The following ADGRB3 variants were observed in gnomAD, a reference collection of about 807,000 sequenced individuals.
ADGRB3 encodes the protein adhesion G protein-coupled receptor B3, also known as brain-specific angiogenesis inhibitor 3.
A neutral mutation model predicts 193.4 loss-of-function variants in ADGRB3; 37 were observed. That is an observed-to-expected ratio of 0.19 (90% CI 0.15 to 0.25). The LOEUF is 0.25. Among genes scored for constraint, ADGRB3 ranks in the 10% least tolerant of loss-of-function variants. The probability of loss-of-function intolerance (pLI) is 1.00; values close to 1 mark genes in which losing one functional copy is unlikely to be tolerated. For synonymous variants in ADGRB3, 690 were observed against 644.2 expected (o/e 1.07, Z -1.08); for missense variants, 1,637 against 1,852.9 (o/e 0.88, Z 2.14).
rs867755416 is a variant in ADGRB3, at chr6:69,080,587, G to A, written c.2480+4549G>A. Among the ~76,000 whole-genome samples the A allele has an allele frequency of 3.3e-5, 5 of 151,834 alleles. No homozygotes were observed. The South Asian group carries it at 6.2e-4, about 19-fold the overall frequency. On this transcript the variant is annotated intron_variant, in intron 17 of 31. Coordinates refer to ENST00000370598, the MANE Select transcript of ADGRB3 (RefSeq NM_001704.3). ...CAGCAATATCATGGTCTCATTGTTT[G>A]GAGAGAAATGTGGAAACATCTTCTA...
In ADGRB3 at chr6:69,255,468, G is replaced by A. The variant is rs188848706; in HGVS notation, c.2814+16242G>A. On this transcript the variant is annotated intron_variant, in intron 20 of 31. Coordinates refer to ENST00000370598, the MANE Select transcript of ADGRB3 (RefSeq NM_001704.3). ...TTTCTCTGATGTCCAGTGATGGTGA[G>A]CATTTTTTCATGTGTTTTTTGGCTG... Among the ~76,000 whole-genome samples the A allele has an allele frequency of 4.1e-3, 629 of 152,266 alleles. 1 individual carries two copies. The highest frequency in any genetic ancestry group is 6.9e-3 in the Non-Finnish European group (472 of 68,016).
At chr6:68,941,328 G>T (rs566844452) in intron 5 of ADGRB3, among the ~76,000 whole-genome samples, 1 of 152,126 alleles carries the variant, frequency 6.6e-6, no homozygotes, top group East Asian at 1.9e-4. Context: ...TTAGTGATTT[G>T]TATCCTTGTC....
intron 3 of ADGRB3, among the ~76,000 whole-genome samples, chr6:68,684,096 C>T (rs555315594): frequency 2.0e-5 from 3 of 152,248 alleles, no homozygotes; most frequent in South Asian, 2.1e-4. Flanking sequence ...TATGCGGCAA[C>T]AGACACGGTA....
chr6:68,973,440 T>C (rs1221583001), intron 8 of ADGRB3, among the ~76,000 whole-genome samples: 4 of 152,216 alleles, frequency 2.6e-5, no homozygotes, highest in Non-Finnish European at 5.9e-5. Flanking sequence ...CCCCTACTGA[T>C]AACTATAAGG....
intron 13 of ADGRB3, among the ~76,000 whole-genome samples, chr6:69,024,277 C>T (rs577142928): frequency 3.3e-5 from 5 of 152,196 alleles, no homozygotes; most frequent in South Asian, 2.1e-4. Context: ...TCAAATTGAT[C>T]GCTCTACTTA....
chr6:68,741,822 A>G (rs1049098561), intron 3 of ADGRB3, among the ~76,000 whole-genome samples: 9 of 152,192 alleles, frequency 5.9e-5, no homozygotes, highest in African/African-American at 2.2e-4. Context: ...TTTGCTTCTG[A>G]TGAAATGTTC....
rs370383240 is a variant in ADGRB3, at chr6:68,875,095, CTCCT to C, written c.758-55446_758-55443del. On this transcript the variant is annotated intron_variant, in intron 3 of 31. Transcript: ENST00000370598. The stretch of plus-strand genomic sequence containing the variant: ...TCTTTCTTTCTTCTTTCATTTCTTT[CTCCT>C]TCCTTCCTTCCTTCCTTTCTTTCCT... Among the ~76,000 whole-genome samples the C allele has an allele frequency of 6.7e-3, 738 of 110,470 alleles. 28 individuals are homozygous for C. Among genetic ancestry groups the C allele is most frequent in the African/African-American group, 0.021 (682 of 32,572 alleles). 72.5% of individuals were successfully genotyped at this position (110,470 alleles called of 152,430 possible). A position where few individuals can be genotyped will look rare whatever the true frequency, so the allele number is the denominator to read the frequency against.
chr6:68,973,920 C>G (rs947028580), intron 8 of ADGRB3, among the ~76,000 whole-genome samples: 1 of 152,110 alleles, frequency 6.6e-6, no homozygotes, highest in African/African-American at 2.4e-5. Context: ...TACAGTTAAA[C>G]ATCTGTTATT....
intron 8 of ADGRB3, among the ~76,000 whole-genome samples, chr6:68,959,606 T>G (rs1176640377): frequency 6.6e-6 from 1 of 152,124 alleles, no homozygotes; most frequent in Non-Finnish European, 1.5e-5. Flanking sequence ...CTAAAGCTGT[T>G]ATGATGTCTA....
Position 68,930,637 on chromosome 6 carries a change from AAG to A in ADGRB3, c.837_838del (p.Gln279HisfsTer2). 1 of 1,611,624 alleles carries A rather than the reference AAG, an allele frequency of 6.2e-7. No individual in the cohort carries two copies. The highest frequency in any genetic ancestry group is 8.5e-7 in the Non-Finnish European group (1 of 1,178,632). ...CATGAAAAAAGGGTCCCTCAGGAAC[AAG>A]CTGATGCTGCTAAATTTATGGCACA... On this transcript the variant is annotated frameshift_variant, in exon 4 of 32. Coordinates refer to ENST00000370598, the MANE Select transcript of ADGRB3 (RefSeq NM_001704.3). LOFTEE classifies it high-confidence loss of function.
At chr6:68,808,846 G>C (rs191663513) in intron 3 of ADGRB3, among the ~76,000 whole-genome samples, 1 of 152,006 alleles carries the variant, frequency 6.6e-6, no homozygotes, top group African/African-American at 2.4e-5. Context: ...TATCTACCAT[G>C]GTCAGAAGAC....
intron 17 of ADGRB3, among the ~76,000 whole-genome samples, chr6:69,120,962 TCGA>T: frequency 6.6e-6 from 1 of 151,910 alleles, no homozygotes; most frequent in Non-Finnish European, 1.5e-5. Context: ...AAAAACTGTT[TCGA>T]TATGAATTTG....
At chr6:68,958,456 T>C (rs1768139292) in intron 8 of ADGRB3, among the ~76,000 whole-genome samples, 1 of 152,166 alleles carries the variant, frequency 6.6e-6, no homozygotes, top group African/African-American at 2.4e-5. Flanking sequence ...TCTAAACCAG[T>C]CTGGGCATAC....
At chr6:68,673,825 T>C (rs1369077568) in intron 3 of ADGRB3, among the ~76,000 whole-genome samples, 1 of 152,154 alleles carries the variant, frequency 6.6e-6, no homozygotes, top group Non-Finnish European at 1.5e-5. Flanking sequence ...ATTTGGATAT[T>C]TCATTAAGAT....
At chr6:69,381,294 A>G (rs1056916696) in intron 30 of ADGRB3, among the ~76,000 whole-genome samples, 1 of 151,856 alleles carries the variant, frequency 6.6e-6, no homozygotes, top group Non-Finnish European at 1.5e-5. Flanking sequence ...CCCCAAACTG[A>G]TGGGAAGTTA....
At chr6:68,832,543 T>C (rs954891970) in intron 3 of ADGRB3, among the ~76,000 whole-genome samples, 44 of 152,200 alleles carry the variant, frequency 2.9e-4, no homozygotes, top group African/African-American at 1.1e-3. Context: ...ACAAAGATGA[T>C]ACGTTACTGC....
rs570879954 is a variant in ADGRB3, at chr6:69,363,301, C to A, written c.4239+1789C>A. 2.6e-5 allele frequency among the ~76,000 whole-genome samples: 4 copies of A among 152,032 alleles called. No individual in the cohort carries two copies. In the East Asian group the frequency reaches 7.7e-4, roughly 29 times the overall value. On this transcript the variant is annotated intron_variant, in intron 29 of 31. Coordinates refer to ENST00000370598, the MANE Select transcript of ADGRB3 (RefSeq NM_001704.3). ...TGGAATTCAGAATGAAAATTTGGTT[C>A]TTCATTTTCATTCTTTAAATGAATT... is the stretch of plus-strand genomic sequence containing the variant.
intron 3 of ADGRB3, among the ~76,000 whole-genome samples, chr6:68,652,872 AGCAACAAAAAGCTTATT>A (rs1431066119): frequency 6.6e-6 from 1 of 152,148 alleles, no homozygotes; most frequent in African/African-American, 2.4e-5. Flanking sequence ...TTAATAAAAT[AGCAACAAAAAGCTTATT>A]AGCATTGACA....
rs540225712 is a variant in ADGRB3, at chr6:68,707,072, C to T, written c.757+67640C>T. ...TTTGCAGTGAGCCAAGATTGCACCA[C>T]GGCACTCCAGCCTGGGCAACAGAGC... is the stretch of plus-strand genomic sequence containing the variant. On this transcript the variant is annotated intron_variant, in intron 3 of 31. Coordinates refer to ENST00000370598, the MANE Select transcript of ADGRB3 (RefSeq NM_001704.3). Among the ~76,000 whole-genome samples, 9 of 139,182 alleles carry T rather than the reference C, an allele frequency of 6.5e-5. No individual in the cohort carries two copies. In the South Asian group the frequency reaches 6.6e-4, roughly 10 times the overall value. The allele number at this position is 139,182 out of a possible 152,430, so 91.3% of individuals were successfully genotyped here.
Sources: gnomAD v4.1 joint callset for allele counts (sites outside exome capture counted in the v4.1 genomes callset) on GRCh38, gnomAD v4.1.1 for gene constraint, MANE v1.5 for transcripts, NCBI Gene and HGNC (gene_info 2026-07-23, HGNC 2026-07-21) for gene names.